Variants in RBM39 observed in about 807,000 individuals in gnomAD.
RBM39 encodes RNA-binding protein 39.
A neutral mutation model predicts 79.6 loss-of-function variants in RBM39; 12 were observed. That is an observed-to-expected ratio of 0.15 (90% CI 0.10 to 0.24). The LOEUF (loss-of-function observed/expected upper bound fraction) is 0.24, where lower values mean the gene tolerates loss of function less well. Among genes scored for constraint, RBM39 ranks in the 10% least tolerant of loss-of-function variants. RBM39 has a pLI of 1.00. For missense variants in RBM39, 243 were observed against 653.4 expected (o/e 0.37, Z 6.85); for synonymous variants, 185 against 208.4 (o/e 0.89, Z 0.97).
At position 35,705,133 on chromosome 20, in the gene RBM39, A is replaced by C. The variant is rs1379378326; in HGVS notation, c.1413+92T>G. The C allele has an allele frequency of 2.0e-5, 15 of 767,928 alleles. No individual in the cohort carries two copies. The East Asian group carries it at 3.9e-4, about 20-fold the overall frequency. 47.6% of individuals were successfully genotyped at this position (767,928 alleles called of 1,614,324 possible). A position where few individuals can be genotyped will look rare whatever the true frequency, so the allele number is the denominator to read the frequency against. ...ACACACACACAAAAACTATAATGGA[A>C]GACGGTTAACCATAACATGCACCAC... On this transcript the variant is annotated intron_variant, in intron 15 of 16. Transcript: ENST00000253363.
intron 9 of RBM39, among the ~76,000 whole-genome samples, chr20:35,718,494 G>C (rs1049831466): frequency 6.6e-6 from 1 of 152,118 alleles, no homozygotes; most frequent in African/African-American, 2.4e-5. Context: ...TGGGCACCAC[G>C]GTGAAACCCT....
chr20:35,738,520 G>A (rs754689433), intron 3 of RBM39, among the ~76,000 whole-genome samples: 1 of 152,224 alleles, frequency 6.6e-6, no homozygotes, highest in Non-Finnish European at 1.5e-5. Flanking sequence ...GGGCCTCTGA[G>A]CAGCAAGTTG....
At chr20:35,738,828 G>T in intron 3 of RBM39, 140 bp downstream of exon 3, 1 of 742,498 alleles carries the variant, frequency 1.3e-6, no homozygotes, top group Non-Finnish European at 2.2e-6. Context: ...GTCTCAAAAG[G>T]CAAAGAACCA....
chr20:35,713,313 C>T (rs999064321), intron 11 of RBM39: 2 of 418,638 alleles, frequency 4.8e-6, no homozygotes, highest in African/African-American at 2.1e-5. Context: ...AATTGTGAAA[C>T]TCTCTTTTTT....
intron 9 of RBM39, among the ~76,000 whole-genome samples, chr20:35,719,321 T>C (rs779579479): frequency 2.6e-5 from 4 of 151,164 alleles, no homozygotes; most frequent in Non-Finnish European, 4.4e-5. Flanking sequence ...CATGAGCCAC[T>C]GTGCCTGGCC....
At chr20:35,720,767 G>C (rs62211699) in intron 9 of RBM39, among the ~76,000 whole-genome samples, 2,365 of 152,234 alleles carry the variant, frequency 0.016, 30 homozygotes, top group Non-Finnish European at 0.023. Flanking sequence ...ATAAGACTCT[G>C]TCTCAAAAAG....
At chr20:35,738,026 G>A (rs974986817) in intron 3 of RBM39, among the ~76,000 whole-genome samples, 1 of 150,892 alleles carries the variant, frequency 6.6e-6, no homozygotes, top group Non-Finnish European at 1.5e-5. Flanking sequence ...GCGTGATGGC[G>A]CGCGCCTGTA....
At chr20:35,738,190 C>A (rs1302506863) in intron 3 of RBM39, among the ~76,000 whole-genome samples, 3 of 151,760 alleles carry the variant, frequency 2.0e-5, no homozygotes, top group Non-Finnish European at 2.9e-5. Context: ...ATCACTTGAA[C>A]CCAGGAGGCG....
chr20:35,720,749 G>A (rs1418955498), intron 9 of RBM39, among the ~76,000 whole-genome samples: 2 of 152,184 alleles, frequency 1.3e-5, no homozygotes, highest in Non-Finnish European at 2.9e-5. Context: ...TCCAGCCTGG[G>A]CAGCAGAATA....
chr20:35,729,297 A>G lies in RBM39; in HGVS notation c.416+15T>C, dbSNP rs1020614281. ...AAGCTTTTTAAGAGCTAAAGGCTTT[A>G]AAGAAGTAAACTACCTCACAGGGCT... On this transcript the variant is annotated intron_variant, in intron 6 of 16. Transcript: ENST00000253363. 5.7e-6 allele frequency: 9 copies of G among 1,573,496 alleles called. No homozygotes were observed. The East Asian group carries it at 1.8e-4, about 31-fold the overall frequency.
chr20:35,709,923 G>GT (rs1275062379), intron 12 of RBM39, among the ~76,000 whole-genome samples: 17 of 152,108 alleles, frequency 1.1e-4, no homozygotes, highest in Non-Finnish European at 2.4e-4. Context: ...AATCTCTGGA[G>GT]TTTTCTTAAA....
At chr20:35,708,170 A>G (rs1349189064) in intron 13 of RBM39, among the ~76,000 whole-genome samples, 2 of 152,096 alleles carry the variant, frequency 1.3e-5, no homozygotes, top group African/African-American at 4.8e-5. Flanking sequence ...TTTCTTTCAT[A>G]AAGTTTTATT....
chr20:35,718,919 G>A (rs1387533391), intron 9 of RBM39, among the ~76,000 whole-genome samples: 1 of 151,506 alleles, frequency 6.6e-6, no homozygotes, highest in Non-Finnish European at 1.5e-5. Context: ...GGCAGAGGTT[G>A]CAGTGAGCTA....
chr20:35,736,543 T>A (rs927549463), intron 3 of RBM39: 3 of 470,482 alleles, frequency 6.4e-6, no homozygotes, highest in African/African-American at 6.0e-5. Context: ...AAGACTGACA[T>A]ACTTACTATG....
chr20:35,707,788 A>G, intron 13 of RBM39: 1 of 323,534 alleles, frequency 3.1e-6, no homozygotes, highest in South Asian at 2.4e-5. Flanking sequence ...CGCACAATAA[A>G]AGAACACTGA....
intron 2 of RBM39, chr20:35,739,584 T>C (rs1470068724): frequency 6.4e-6 from 3 of 467,304 alleles, no homozygotes; most frequent in East Asian, 7.0e-5. Context: ...TTTAGTAATG[T>C]TGACTCCCAA....
intron 9 of RBM39, among the ~76,000 whole-genome samples, chr20:35,721,209 A>T (rs915398518): frequency 6.6e-6 from 1 of 152,198 alleles, no homozygotes; most frequent in African/African-American, 2.4e-5. Context: ...TGCTGGGGTT[A>T]CAGGTGTGAG....
chr20:35,720,490 G>A (rs934333295), intron 9 of RBM39, among the ~76,000 whole-genome samples: 2 of 151,816 alleles, frequency 1.3e-5, no homozygotes, highest in African/African-American at 4.8e-5. Context: ...AAAGTCAATG[G>A]AGGCCAGGTC....
At chr20:35,725,776 G>C (rs2038602769) in intron 6 of RBM39, among the ~76,000 whole-genome samples, 1 of 150,104 alleles carries the variant, frequency 6.7e-6, no homozygotes, top group Admixed American at 6.7e-5. Flanking sequence ...CAATTCTGCT[G>C]CCTCAGCCTC....
Sources: allele counts gnomAD v4.1 joint callset (sites outside exome capture counted in the v4.1 genomes callset), GRCh38; gene constraint gnomAD v4.1.1; transcripts MANE v1.5; gene names NCBI Gene and HGNC (gene_info 2026-07-23, HGNC 2026-07-21).